The following PDE10A variants were observed in gnomAD, a reference collection of about 807,000 sequenced individuals.
PDE10A encodes phosphodiesterase 10A, also known as cAMP and cAMP-inhibited cGMP 3',5'-cyclic phosphodiesterase 10A.
A neutral mutation model predicts 97.7 loss-of-function variants in PDE10A; 39 were observed. That is an observed-to-expected ratio of 0.40 (90% CI 0.31 to 0.52). The LOEUF (loss-of-function observed/expected upper bound fraction) is 0.52. Among genes scored for constraint, PDE10A ranks in the 20% least tolerant of loss-of-function variants. The pLI, the probability that PDE10A is intolerant of heterozygous loss-of-function variation, is 0.56. For missense variants in PDE10A, 731 were observed against 1,047.8 expected, an observed-to-expected ratio of 0.70 and a Z score of 4.17; for synonymous variants, 371 against 376.8, an observed-to-expected ratio of 0.98 and a Z score of 0.18.
intron 1 of PDE10A, among the ~76,000 whole-genome samples, chr6:165,723,843 A>G (rs975000646): frequency 8.8e-6 from 1 of 113,198 alleles, no homozygotes; most frequent in African/African-American, 3.9e-5. Context: ...GAAATAAGAT[A>G]AAGGTGTTTT....
intron 1 of PDE10A, among the ~76,000 whole-genome samples, chr6:165,701,242 C>T (rs181981947): frequency 3.3e-5 from 5 of 152,290 alleles, no homozygotes; most frequent in Middle Eastern, 3.4e-3. Context: ...CCTGTCCAGG[C>T]GACAATTGAT....
chr6:165,730,852 T>C (rs1006117684), intron 1 of PDE10A, among the ~76,000 whole-genome samples: 3 of 151,540 alleles, frequency 2.0e-5, no homozygotes, highest in Non-Finnish European at 4.4e-5. Flanking sequence ...AAGACCAGCC[T>C]GGCCAACATA....
At chr6:165,557,824 C>T (rs1219479455) in intron 1 of PDE10A, among the ~76,000 whole-genome samples, 5 of 152,096 alleles carry the variant, frequency 3.3e-5, no homozygotes, top group African/African-American at 7.2e-5. Flanking sequence ...AATAAGGGAA[C>T]TCAAAAAACG....
intron 3 of PDE10A, among the ~76,000 whole-genome samples, chr6:165,471,648 C>T (rs927386594): frequency 6.6e-6 from 1 of 151,990 alleles, no homozygotes; most frequent in South Asian, 2.1e-4. Flanking sequence ...CCTGATGCCT[C>T]CTTTCCTTTC....
At chr6:165,966,209 C>A (rs1784505443) in intron 1 of PDE10A, among the ~76,000 whole-genome samples, 1 of 151,986 alleles carries the variant, frequency 6.6e-6, no homozygotes, top group Non-Finnish European at 1.5e-5. Context: ...GGAAAAGTGG[C>A]CTCCCCACAG....
chr6:165,948,743 A>T (rs928252123), intron 1 of PDE10A: 2 of 152,406 alleles, frequency 1.3e-5, no homozygotes, highest in African/African-American at 4.8e-5. Context: ...TGAATCCTAC[A>T]TGAATGCCAA....
chr6:165,881,856 T>C (rs1781488515), intron 1 of PDE10A, among the ~76,000 whole-genome samples: 1 of 152,218 alleles, frequency 6.6e-6, no homozygotes, highest in South Asian at 2.1e-4. Flanking sequence ...TATATATTTT[T>C]TTCTCTTACT....
chr6:165,700,192 C>T lies in PDE10A; in HGVS notation c.-614-156624G>A, dbSNP rs189402031. On this transcript the variant is annotated intron_variant, in intron 1 of 19. Transcript: ENST00000366882. ...AAACATTATGCTCAGTGAAAGAAAC[C>T]AGTCACAAGAGACCACATACTGGAT... is the stretch of plus-strand genomic sequence containing the variant. 1.2e-4 allele frequency among the ~76,000 whole-genome samples: 18 copies of T among 152,194 alleles called. No individual in the cohort carries two copies. The East Asian group carries it at 3.5e-3, about 29-fold the overall frequency.
At chr6:165,572,800 G>C (rs1785111428) in intron 1 of PDE10A, among the ~76,000 whole-genome samples, 1 of 152,128 alleles carries the variant, frequency 6.6e-6, no homozygotes, top group South Asian at 2.1e-4. Flanking sequence ...TCGTGCCACT[G>C]CACTCCAGCG....
chr6:165,825,091 T>C (rs1274451916), intron 1 of PDE10A, among the ~76,000 whole-genome samples: 1 of 137,422 alleles, frequency 7.3e-6, no homozygotes, highest in Non-Finnish European at 1.5e-5. Flanking sequence ...GAGGTTGCAG[T>C]GAGCTGAGAT....
chr6:165,850,374 G>A (rs1357190600), intron 1 of PDE10A, among the ~76,000 whole-genome samples: 1 of 152,208 alleles, frequency 6.6e-6, no homozygotes, highest in Non-Finnish European at 1.5e-5. Flanking sequence ...CTCAGGGTCC[G>A]TGGAACACAT....
chr6:165,697,022 T>G (rs1044558241), intron 1 of PDE10A, among the ~76,000 whole-genome samples: 11 of 151,548 alleles, frequency 7.3e-5, no homozygotes, highest in African/African-American at 2.7e-4. Flanking sequence ...AAAAGAAAAA[T>G]GAACAGAGCC....
chr6:165,736,313 A>G (rs1792573765), intron 1 of PDE10A, among the ~76,000 whole-genome samples: 2 of 152,242 alleles, frequency 1.3e-5, no homozygotes, highest in African/African-American at 4.8e-5. Context: ...AAATGGCTTC[A>G]TAATTGCTAA....
chr6:165,396,257 C>T, intron 14 of PDE10A, 60 bp downstream of exon 14: 1 of 1,504,612 alleles, frequency 6.6e-7, no homozygotes, highest in Non-Finnish European at 9.2e-7. Context: ...ATCTGTCTCA[C>T]TTTAAGTTCA....
intron 1 of PDE10A, among the ~76,000 whole-genome samples, chr6:165,815,646 G>A (rs1047154040): frequency 6.6e-6 from 1 of 152,198 alleles, no homozygotes; most frequent in Admixed American, 6.5e-5. Context: ...TGAGGTCCTA[G>A]CAGTGCGATC....
intron 10 of PDE10A, among the ~76,000 whole-genome samples, chr6:165,423,171 T>C (rs73245645): frequency 0.051 from 7,729 of 152,198 alleles, 589 homozygotes; most frequent in African/African-American, 0.17. Flanking sequence ...GAAAAGATTA[T>C]TTGAGCCCCC....
chr6:165,677,215 G>A (rs140720085), intron 1 of PDE10A, among the ~76,000 whole-genome samples: 4 of 152,276 alleles, frequency 2.6e-5, no homozygotes, highest in East Asian at 3.9e-4. Flanking sequence ...ATCAGTGGAC[G>A]ACTTCAAGAG....
Position 165,662,042 on chromosome 6 carries a change from G to C in PDE10A, c.770C>G (p.Ala257Gly). The C allele has an allele frequency of 6.8e-7, 1 of 1,476,782 alleles. No homozygotes were observed. The highest frequency in any genetic ancestry group is 2.9e-5 in the East Asian group (1 of 33,946). The allele number at this position is 1,476,782 out of a possible 1,614,324, so 91.5% of individuals were successfully genotyped here. ...RPQGASFALA[A>G]AAALLFGSDM... Reference sequence around the variant, plus strand: ...GGAGCCGAAGAGCAGCGCGGCCGCGGCGGCGAGGGCGAAGCTGGCGCCCTG... The same window carrying C: ...GGAGCCGAAGAGCAGCGCGGCCGCGCCGGCGAGGGCGAAGCTGGCGCCCTG... Residue 257 changes from alanine (A) to glycine (G), a missense_variant, in exon 1 of 22, where the codon GCC becomes GGC. By Grantham distance (60) the Ala-to-Gly change is moderately conservative. Around this residue, in one of 8 missense-constraint regions of PDE10A, gnomAD observed 181 missense variants for 159.1 expected, o/e 1.14. Transcript: ENST00000539869.
At chr6:165,481,960 C>T (rs1779626945) in intron 3 of PDE10A, among the ~76,000 whole-genome samples, 1 of 152,154 alleles carries the variant, frequency 6.6e-6, no homozygotes, top group Non-Finnish European at 1.5e-5. Flanking sequence ...CCGCTTCCCA[C>T]CCTGGGAAGA....
Sources: gnomAD v4.1 joint callset for allele counts (sites outside exome capture counted in the v4.1 genomes callset) on GRCh38, gnomAD v4.1.1 for gene constraint, gnomAD v4.1.1 regional missense constraint, MANE v1.5 for transcripts, NCBI Gene and HGNC (gene_info 2026-07-23, HGNC 2026-07-21) for gene names.